The following PCNX2 variants were observed in gnomAD, a reference collection of about 807,000 sequenced individuals.
The protein encoded by PCNX2 is pecanex-like protein 2.
PCNX2 carries 168 observed loss-of-function variants against 223.8 expected under a neutral mutation model. That is an observed-to-expected ratio of 0.75 (90% CI 0.66 to 0.85). The LOEUF (loss-of-function observed/expected upper bound fraction) is 0.85. Ranked by LOEUF, PCNX2 falls within the 40% of genes least tolerant of loss-of-function variation. The pLI is 0.00. For synonymous variants in PCNX2, 1,006 were observed against 1,052.6 expected, an observed-to-expected ratio of 0.96 and a Z score of 0.86; for missense variants, 2,507 against 2,675.5, an observed-to-expected ratio of 0.94 and a Z score of 1.39.
chr1:233,084,197 G>A (rs1673489378), intron 23 of PCNX2, among the ~76,000 whole-genome samples: 1 of 152,096 alleles, frequency 6.6e-6, no homozygotes, highest in Non-Finnish European at 1.5e-5. Context: ...TTTTAATTGT[G>A]GTTTGACCAA....
At chr1:233,153,828 A>G (rs77883288) in intron 19 of PCNX2, among the ~76,000 whole-genome samples, 1,550 of 152,274 alleles carry the variant, frequency 0.01, 27 homozygotes, top group African/African-American at 0.035. Context: ...AACTTGTTCT[A>G]TTTGATTTTT....
upstream of PCNX2, among the ~76,000 whole-genome samples, chr1:233,300,684 C>T (rs1662243827): frequency 6.6e-6 from 1 of 152,342 alleles, no homozygotes; most frequent in East Asian, 1.9e-4. Context: ...CAAGTAAACA[C>T]AGATCTCCTT....
chr1:233,186,323 A>G (rs1039363470), intron 15 of PCNX2, among the ~76,000 whole-genome samples: 5 of 152,150 alleles, frequency 3.3e-5, no homozygotes, highest in African/African-American at 1.2e-4. Flanking sequence ...TTCTAGGTCT[A>G]TTTTTGACAT....
chr1:233,289,586 G>C, intron 1 of PCNX2: 1 of 601,412 alleles, frequency 1.7e-6, no homozygotes, highest in Non-Finnish European at 2.9e-6. Context: ...CAGGAAGCCA[G>C]ACATTCAGGT....
chr1:233,020,299 A>G (rs1670834260), intron 26 of PCNX2, among the ~76,000 whole-genome samples: 1 of 152,192 alleles, frequency 6.6e-6, no homozygotes, highest in Non-Finnish European at 1.5e-5. Context: ...TGCAAGTCAT[A>G]CCCTATCTCC....
At chr1:233,007,458 C>G (rs1274853237) in intron 28 of PCNX2, among the ~76,000 whole-genome samples, 1 of 152,202 alleles carries the variant, frequency 6.6e-6, no homozygotes, top group Non-Finnish European at 1.5e-5. Flanking sequence ...GGAGAAAACC[C>G]ACAGCTGCTT....
chr1:233,226,589 C>T lies in PCNX2; in HGVS notation c.2504+637G>A, dbSNP rs191598502. Among the ~76,000 whole-genome samples, 565 of 152,242 alleles carry T rather than the reference C, an allele frequency of 3.7e-3. 4 individuals are homozygous for T. Among genetic ancestry groups the T allele is most frequent in the Admixed American group, 6.0e-3 (91 of 15,278 alleles). On this transcript the variant is annotated intron_variant, in intron 10 of 33. Transcript: ENST00000258229. The stretch of plus-strand genomic sequence containing the variant: ...CCAGCCTCCATCATGTTTTAACTAA[C>T]CTTAACTTCTCCTCCTCTTTCTCCC...
At chr1:233,042,399 A>G (rs1671673347) in intron 25 of PCNX2, among the ~76,000 whole-genome samples, 1 of 152,106 alleles carries the variant, frequency 6.6e-6, no homozygotes, top group Admixed American at 6.6e-5. Context: ...CTGAAGCCCA[A>G]TCCTATCCCC....
intron 1 of PCNX2, among the ~76,000 whole-genome samples, chr1:233,282,252 C>T (rs1305453081): frequency 6.7e-6 from 1 of 149,020 alleles, no homozygotes; most frequent in Admixed American, 6.7e-5. Flanking sequence ...GCTCCTGGGG[C>T]CTCACTGTTA....
chr1:232,998,254 TTC>T lies in PCNX2; in HGVS notation c.5786_5787del (p.Arg1929AsnfsTer82). 2 of 1,569,202 alleles carry T rather than the reference TTC, an allele frequency of 1.3e-6. No individual in the cohort carries two copies. The highest frequency in any genetic ancestry group is 1.7e-6 in the Non-Finnish European group (2 of 1,157,846). On this transcript the variant is annotated frameshift_variant, in exon 32 of 34. Transcript: ENST00000258229. LOFTEE classifies it high-confidence loss of function. ...TGGAGGCCCCTGCTGCACCCACCTG[TTC>T]TCTGTGTCCCTTCACAGGATGACAC... ...HGVSSCEGTQ[R>X]TGRRKGRSQS...
chr1:233,053,906 A>C (rs1179738895), intron 25 of PCNX2, among the ~76,000 whole-genome samples: 1 of 152,186 alleles, frequency 6.6e-6, no homozygotes, highest in Non-Finnish European at 1.5e-5. Flanking sequence ...AACAGATCCC[A>C]ACACCTGTGA....
intron 15 of PCNX2, among the ~76,000 whole-genome samples, chr1:233,186,520 C>T (rs1680108500): frequency 6.6e-6 from 1 of 152,126 alleles, no homozygotes. Flanking sequence ...CATCCCCGAA[C>T]CCCTAGAGTG....
chr1:233,195,857 G>C (rs1213022847), intron 15 of PCNX2, among the ~76,000 whole-genome samples: 1 of 152,108 alleles, frequency 6.6e-6, no homozygotes, highest in African/African-American at 2.4e-5. Flanking sequence ...TCCCCAAATT[G>C]ATCTACAAAT....
chr1:233,038,190 A>G (rs1671523418), intron 25 of PCNX2, among the ~76,000 whole-genome samples: 1 of 152,228 alleles, frequency 6.6e-6, no homozygotes, highest in Non-Finnish European at 1.5e-5. Flanking sequence ...AATTAACCAA[A>G]TCACTAAGTA....
chr1:233,036,328 T>A (rs1026942815), intron 25 of PCNX2, among the ~76,000 whole-genome samples: 1 of 152,160 alleles, frequency 6.6e-6, no homozygotes, highest in Non-Finnish European at 1.5e-5. Flanking sequence ...AAAGAAAGAA[T>A]TGTAAGAATT....
rs188147807 is a variant in PCNX2, at chr1:233,288,554, C to A, written c.153+6772G>T. Among the ~76,000 whole-genome samples the A allele has an allele frequency of 2.5e-3, 375 of 152,304 alleles. 3 individuals carry two copies. Among genetic ancestry groups the A allele is most frequent in the Non-Finnish European group, 4.5e-3 (305 of 68,034 alleles). ...AGAAGACAAGGATAAATGGGAGGAGCTGTGCAGAAAGAGAGCAACTGACTC... is the reference window on the plus strand; with the variant it reads ...AGAAGACAAGGATAAATGGGAGGAGATGTGCAGAAAGAGAGCAACTGACTC... On this transcript the variant is annotated intron_variant, in intron 1 of 33. Coordinates refer to ENST00000258229, the MANE Select transcript of PCNX2 (RefSeq NM_014801.4).
chr1:232,998,282 C>T lies in PCNX2; in HGVS notation c.5760G>A (p.Gly1920=). 1.2e-6 allele frequency: 2 copies of T among 1,600,654 alleles called. No homozygotes were observed. Among genetic ancestry groups the T allele is most frequent in the Non-Finnish European group, 1.7e-6 (2 of 1,173,382 alleles). ...EQPRKGGAQH[G]VSSCEGTQRT... ...TCTGTGTCCCTTCACAGGATGACACCCCGTGCTGAGCACCGCCTTTTCTGG... is the reference window on the plus strand; with the variant it reads ...TCTGTGTCCCTTCACAGGATGACACTCCGTGCTGAGCACCGCCTTTTCTGG... The change falls in exon 32 of 34, where the codon GGG becomes GGA. Residue 1920 remains glycine (G), a synonymous_variant. Transcript: ENST00000258229.
At chr1:233,160,510 A>G in intron 18 of PCNX2, 77 bp from the exon 19 acceptor site, 2 of 1,440,176 alleles carry the variant, frequency 1.4e-6, no homozygotes, top group Admixed American at 1.9e-5. Flanking sequence ...AATACATAAC[A>G]TCACTGTCCT....
chr1:232,986,360 G>C lies in PCNX2; in HGVS notation c.5972C>G (p.Ala1991Gly). The C allele has an allele frequency of 6.2e-7, 1 of 1,601,354 alleles. No homozygotes were observed. Among genetic ancestry groups the C allele is most frequent in the Non-Finnish European group, 8.5e-7 (1 of 1,174,046 alleles). Reference sequence around the variant, plus strand: ...CGGGGGCTGAGAGTGCAGGGACGTGGCCGAGGCGTGCAAGGAGAGCCGGCT... The same window carrying C: ...CGGGGGCTGAGAGTGCAGGGACGTGCCCGAGGCGTGCAAGGAGAGCCGGCT... ...SGSRLSLHAS[A>G]TSLHSQPPPV... The change falls in exon 33 of 34, where the codon GCC (alanine) becomes GGC (glycine). Residue 1991 changes from alanine to glycine, a missense_variant. By Grantham distance (60) the Ala-to-Gly change is moderately conservative. This residue lies in a region of PCNX2 where 1,372 missense variants were observed against 1,509.4 expected (regional missense o/e 0.91). Transcript: ENST00000258229.
Sources: allele counts gnomAD v4.1 joint callset (sites outside exome capture counted in the v4.1 genomes callset), GRCh38; gene constraint gnomAD v4.1.1; regional missense constraint gnomAD v4.1.1; transcripts MANE v1.5; gene names NCBI Gene and HGNC (gene_info 2026-07-23, HGNC 2026-07-21).